The following AKR1D1 variants were observed in gnomAD, a reference collection of about 807,000 sequenced individuals.
AKR1D1 encodes the protein delta(4)-3-ketosteroid 5-beta-reductase.
In AKR1D1, 32 loss-of-function variants were observed where a neutral mutation model predicts 42.6. The ratio of observed to expected loss-of-function variants is 0.75; its 90% CI spans 0.57 to 1.01. AKR1D1 has a LOEUF of 1.01. AKR1D1 is among the 50% of genes least tolerant of loss of function. The pLI, the probability that AKR1D1 is intolerant of heterozygous loss-of-function variation, is 0.00. For missense variants in AKR1D1, 364 were observed against 402.2 expected (o/e 0.91, Z 0.81); for synonymous variants, 123 against 135.5 (o/e 0.91, Z 0.64).
At chr7:138,098,170 T>A in intron 4 of AKR1D1, 1 of 514,444 alleles carries the variant, frequency 1.9e-6, no homozygotes, top group Non-Finnish European at 3.4e-6. Context: ...GAGAGAGGGG[T>A]GGAAGGAAAA....
chr7:138,098,025 G>C, intron 4 of AKR1D1, 82 bp downstream of exon 4: 1 of 1,055,534 alleles, frequency 9.5e-7, no homozygotes, highest in South Asian at 1.3e-5. Context: ...TTTATGGAGA[G>C]AGATGCACCC....
intron 6 of AKR1D1, 152 bp downstream of exon 6, chr7:138,106,869 A>G: frequency 1.4e-6 from 1 of 707,946 alleles, no homozygotes. Flanking sequence ...TACTTTCCTG[A>G]CTGAGCTGTT....
chr7:138,113,847 A>C (rs2306847), intron 8 of AKR1D1, 75 bp downstream of exon 8: 1 of 1,356,272 alleles, frequency 7.4e-7, no homozygotes, highest in South Asian at 1.2e-5. Context: ...AAGGCTCATA[A>C]GAACCCTGAC....
chr7:138,104,701 G>T (rs1794385766), intron 4 of AKR1D1, among the ~76,000 whole-genome samples: 1 of 143,454 alleles, frequency 7.0e-6, no homozygotes, highest in South Asian at 2.2e-4. Flanking sequence ...AAAAAAAAGT[G>T]CCCAGGTACT....
At chr7:138,091,609 C>T (rs539923172) in intron 2 of AKR1D1, among the ~76,000 whole-genome samples, 159 bp from the exon 3 acceptor site, 4 of 151,564 alleles carry the variant, frequency 2.6e-5, no homozygotes, top group Admixed American at 1.3e-4. Flanking sequence ...GTGGGCAGAT[C>T]GCTTGAGCCC....
chr7:138,081,745 G>A (rs1025548026), intron 1 of AKR1D1, among the ~76,000 whole-genome samples: 4 of 151,700 alleles, frequency 2.6e-5, no homozygotes, highest in African/African-American at 9.7e-5. Flanking sequence ...GCCATGCCCA[G>A]CTAATTCTGT....
At chr7:138,098,917 A>T (rs909168226) in intron 4 of AKR1D1, among the ~76,000 whole-genome samples, 1 of 152,150 alleles carries the variant, frequency 6.6e-6, no homozygotes, top group Admixed American at 6.5e-5. Context: ...GCACAGGTGG[A>T]AACTCAGGAC....
rs1794214702 is a variant in AKR1D1 at position 138,097,884 on chromosome 7, C to T, written c.397C>T (p.Pro133Ser). 2 of 1,608,254 alleles carry T rather than the reference C, an allele frequency of 1.2e-6. No individual in the cohort carries two copies. The highest frequency in any genetic ancestry group is 1.7e-5 in the Admixed American group (1 of 59,800). Residue 133 changes from proline to serine, a missense_variant, in exon 4 of 9, where the codon CCT becomes TCT. Physicochemically the swap from Pro to Ser is moderately conservative, Grantham distance 74. Transcript: ENST00000242375. Reference sequence around the variant, plus strand: ...TTTTCAGCCAGGAGATGAAATATACCCTAGAGATGAGAATGGCAAATGGTT... The same window carrying T: ...TTTTCAGCCAGGAGATGAAATATACTCTAGAGATGAGAATGGCAAATGGTT... ...MAFKPGDEIYPRDENGKWLYH... is the reference protein window; with the variant it reads ...MAFKPGDEIYSRDENGKWLYH...
Position 138,113,844 on chromosome 7 carries a change from A to G in AKR1D1, c.938+72A>G, listed in dbSNP as rs978347893. 6 of 1,410,410 alleles carry G rather than the reference A, an allele frequency of 4.3e-6. No homozygotes were observed. In the African/African-American group the frequency reaches 8.5e-5, roughly 20 times the overall value. The allele number at this position is 1,410,410 out of a possible 1,614,324, so 87.4% of individuals were successfully genotyped here. ...GGTCATGTGTCAAGCAACAAGGCTC[A>G]TAAGAACCCTGACCTATGTCCATAG... On this transcript the variant is annotated intron_variant, in intron 8 of 8. Coordinates refer to ENST00000242375, the MANE Select transcript of AKR1D1 (RefSeq NM_005989.4).
intron 2 of AKR1D1, among the ~76,000 whole-genome samples, chr7:138,091,537 T>C (rs1167617365): frequency 6.6e-6 from 1 of 151,928 alleles, no homozygotes; most frequent in Non-Finnish European, 1.5e-5. Flanking sequence ...GTGAATAAAA[T>C]GTGTACAAGC....
chr7:138,091,696 A>G, intron 2 of AKR1D1, 72 bp from the exon 3 acceptor site: 1 of 1,241,084 alleles, frequency 8.1e-7, no homozygotes, highest in Non-Finnish European at 1.2e-6. Flanking sequence ...AGTGTTTTAC[A>G]AAGAAAAAGG....
chr7:138,111,289 C>T (rs145932526), intron 7 of AKR1D1, among the ~76,000 whole-genome samples: 9 of 152,256 alleles, frequency 5.9e-5, no homozygotes, highest in African/African-American at 1.9e-4. Context: ...AAGTATTATC[C>T]ACTTCTCTCT....
chr7:138,102,210 C>CA (rs1461454468), intron 4 of AKR1D1, among the ~76,000 whole-genome samples: 1 of 151,636 alleles, frequency 6.6e-6, no homozygotes, highest in Non-Finnish European at 1.5e-5. Flanking sequence ...GATTCTGTCT[C>CA]AAAAAAATAA....
intron 7 of AKR1D1, among the ~76,000 whole-genome samples, chr7:138,110,667 C>T (rs536348385): frequency 2.6e-5 from 4 of 151,980 alleles, no homozygotes; most frequent in Non-Finnish European, 5.9e-5. Flanking sequence ...GCAGGAGAAT[C>T]GCTTGAACTA....
At chr7:138,091,188 C>G (rs528432539) in intron 2 of AKR1D1, 1 of 159,714 alleles carries the variant, frequency 6.3e-6, no homozygotes, top group African/African-American at 2.4e-5. Context: ...CAAGGAGGAT[C>G]TGTAAGTCTC....
intron 3 of AKR1D1, among the ~76,000 whole-genome samples, 193 bp downstream of exon 3, chr7:138,092,077 C>T (rs1222680999): frequency 1.3e-5 from 2 of 149,832 alleles, no homozygotes; most frequent in Non-Finnish European, 2.9e-5. Context: ...TATTACTTGG[C>T]ACCACAGAAT....
rs1425219095 is a variant in AKR1D1, at chr7:138,116,655, A to C, written c.974A>C (p.Glu325Ala). 6.2e-7 allele frequency: 1 copy of C among 1,614,184 alleles called. No individual in the cohort carries two copies. Among genetic ancestry groups the C allele is most frequent in the South Asian group, 1.1e-5 (1 of 91,076 alleles). Residue 325 changes from glutamate to alanine, a missense_variant, in exon 9 of 9, where the codon GAA becomes GCA. Physicochemically the swap from Glu to Ala is moderately radical, Grantham distance 107 (BLOSUM62 -1). Transcript: ENST00000242375. ...RDHPEYPFHDEY is the reference protein window; with the variant it reads ...RDHPEYPFHDAY The stretch of plus-strand genomic sequence containing the variant: ...CATCCTGAATACCCATTTCATGATG[A>C]ATACTGACTGCAGGGAGTTCCTGAA...
At chr7:138,104,707 G>A (rs532092097) in intron 4 of AKR1D1, among the ~76,000 whole-genome samples, 27 of 149,388 alleles carry the variant, frequency 1.8e-4, no homozygotes, top group African/African-American at 6.4e-4. Flanking sequence ...AAGTGCCCAG[G>A]TACTATGCCA....
rs186971896 is a variant in AKR1D1 at position 138,082,375 on chromosome 7, T to A, written c.93+5764T>A. 3.2e-4 allele frequency among the ~76,000 whole-genome samples: 49 copies of A among 152,036 alleles called. No individual in the cohort carries two copies. The East Asian group carries it at 7.9e-3, about 25-fold the overall frequency. On this transcript the variant is annotated intron_variant, in intron 1 of 8. Coordinates refer to ENST00000242375, the MANE Select transcript of AKR1D1 (RefSeq NM_005989.4). ...TTTAAATTTAATTTTCTTTTTTTTT[T>A]ATTTTAATAGAGATGGGGGTCTTCT...
Sources: allele counts gnomAD v4.1 joint callset (sites outside exome capture counted in the v4.1 genomes callset), GRCh38; gene constraint gnomAD v4.1.1; transcripts MANE v1.5; gene names NCBI Gene and HGNC (gene_info 2026-07-23, HGNC 2026-07-21).